Variants in MYO5A observed in about 807,000 individuals in gnomAD.
The protein encoded by MYO5A is unconventional myosin-Va.
MYO5A carries 98 observed loss-of-function variants against 249.7 expected under a neutral mutation model. That is an observed-to-expected ratio of 0.39 (90% CI 0.33 to 0.46). The LOEUF is 0.46. MYO5A is among the 20% of genes least tolerant of loss of function. MYO5A has a pLI of 0.98. For missense variants in MYO5A, 1,696 were observed against 2,308.8 expected, an observed-to-expected ratio of 0.73 and a Z score of 5.44; for synonymous variants, 778 against 810.6, an observed-to-expected ratio of 0.96 and a Z score of 0.68.
intron 1 of MYO5A, among the ~76,000 whole-genome samples, chr15:52,439,661 T>C (rs970934982): frequency 6.6e-6 from 1 of 152,062 alleles, no homozygotes; most frequent in African/African-American, 2.4e-5. Flanking sequence ...ATACCAGAGT[T>C]TGAGGCCACC....
chr15:52,351,954 T>C lies in MYO5A; in HGVS notation c.3622-473A>G, dbSNP rs533036283. ...TTTATAAAGCAGAATGGAAAGACTA[T>C]TGAAATGTTAGGCTTTTAACTTCTA... On this transcript the variant is annotated intron_variant, in intron 27 of 41. Transcript: ENST00000399233. Among the ~76,000 whole-genome samples the C allele has an allele frequency of 7.9e-5, 12 of 152,354 alleles. No individual in the cohort carries two copies. In the South Asian group the frequency reaches 2.3e-3, roughly 29 times the overall value.
chr15:52,387,049 G>A (rs984258302), intron 14 of MYO5A, among the ~76,000 whole-genome samples: 4 of 152,100 alleles, frequency 2.6e-5, no homozygotes, highest in African/African-American at 9.7e-5. Flanking sequence ...GAATTCACAT[G>A]AAAATTTTTA....
At chr15:52,494,171 A>G (rs1431481940) in intron 1 of MYO5A, among the ~76,000 whole-genome samples, 2 of 152,222 alleles carry the variant, frequency 1.3e-5, no homozygotes, top group Non-Finnish European at 2.9e-5. Context: ...GAATGGTGTC[A>G]TCTTTGATCT....
chr15:52,445,932 G>A (rs1335802102), intron 1 of MYO5A, among the ~76,000 whole-genome samples: 1 of 152,206 alleles, frequency 6.6e-6, no homozygotes, highest in Non-Finnish European at 1.5e-5. Context: ...ACTTAAAGTT[G>A]GAATATATAT....
rs773982415 is a variant in MYO5A, at chr15:52,391,928, A to T, written c.1542+2T>A. On this transcript the variant is annotated splice_donor_variant, in intron 12 of 41. Coordinates refer to ENST00000399233, the MANE Select transcript of MYO5A (RefSeq NM_001382347.1). LOFTEE classifies it high-confidence loss of function. ...CCAAGTACCCCAGGAAATCATACTT[A>T]CCTTGCATTCCTCATCCAGTAAATC... 5 of 1,612,400 alleles carry T rather than the reference A, an allele frequency of 3.1e-6. No individual in the cohort carries two copies. Among genetic ancestry groups the T allele is most frequent in the Non-Finnish European group, 4.2e-6 (5 of 1,179,252 alleles).
intron 1 of MYO5A, among the ~76,000 whole-genome samples, chr15:52,488,270 C>G (rs1313590362): frequency 2.6e-5 from 4 of 151,532 alleles, no homozygotes; most frequent in African/African-American, 9.7e-5. Flanking sequence ...CATTCTGAGC[C>G]ATTTGTAAAT....
intron 1 of MYO5A, among the ~76,000 whole-genome samples, chr15:52,516,663 C>G (rs951036458): frequency 7.2e-5 from 11 of 152,188 alleles, no homozygotes; most frequent in African/African-American, 2.7e-4. Flanking sequence ...CTATAACGCT[C>G]CTTTAGCATT....
intron 1 of MYO5A, chr15:52,505,336 T>C (rs1470333256): frequency 1.2e-5 from 9 of 777,828 alleles, no homozygotes; most frequent in Non-Finnish European, 2.4e-6. Context: ...TGCCGACTTG[T>C]GTCATGCTCT....
At position 52,430,025 on chromosome 15, in the gene MYO5A, T is replaced by C. The variant is rs151071677; in HGVS notation, c.139-1456A>G. On this transcript the variant is annotated intron_variant, in intron 2 of 41. Coordinates refer to ENST00000399233, the MANE Select transcript of MYO5A (RefSeq NM_001382347.1). ...AGTGAATAGGAATAAAAATTCAATT[T>C]AGTTGTAGGGAGGGACAAGGTTTTG... Among the ~76,000 whole-genome samples the C allele has an allele frequency of 8.5e-5, 13 of 152,328 alleles. No homozygotes were observed. The East Asian group carries it at 2.5e-3, about 29-fold the overall frequency.
At chr15:52,337,768 TAGCAAGGG>T (rs2039186372) in intron 33 of MYO5A, 34 bp downstream of exon 33, 1 of 1,419,462 alleles carries the variant, frequency 7.0e-7, no homozygotes, top group Non-Finnish European at 9.6e-7. Flanking sequence ...GGGCTATAAG[TAGCAAGGG>T]AAGACAGCAG....
At chr15:52,375,152 G>T in intron 20 of MYO5A, 152 bp downstream of exon 20, 1 of 811,550 alleles carries the variant, frequency 1.2e-6, no homozygotes, top group Non-Finnish European at 1.9e-6. Flanking sequence ...TTCTAAAAAA[G>T]AATTTTTTAA....
intron 9 of MYO5A, among the ~76,000 whole-genome samples, chr15:52,404,813 A>T (rs1433490459): frequency 6.6e-6 from 1 of 152,108 alleles, no homozygotes; most frequent in Non-Finnish European, 1.5e-5. Context: ...AAACAATGAG[A>T]AAGAAGCTCA....
intron 2 of MYO5A, among the ~76,000 whole-genome samples, chr15:52,432,080 T>C (rs1422838885): frequency 6.6e-6 from 1 of 151,894 alleles, no homozygotes; most frequent in Non-Finnish European, 1.5e-5. Flanking sequence ...TAATGAAGAA[T>C]AAAAGAAATA....
chr15:52,477,970 TTTCTGCTGCCTTTTG>T (rs1229208198), intron 1 of MYO5A, among the ~76,000 whole-genome samples: 1 of 152,188 alleles, frequency 6.6e-6, no homozygotes, highest in Admixed American at 6.5e-5. Context: ...TCTGCAGAAG[TTTCTGCTGCCTTTTG>T]TTCAGCTATG....
At chr15:52,362,231 G>A (rs1205863711) in intron 24 of MYO5A, among the ~76,000 whole-genome samples, 2 of 152,220 alleles carry the variant, frequency 1.3e-5, no homozygotes, top group Non-Finnish European at 2.9e-5. Flanking sequence ...GCTGGAGGCA[G>A]TGTATCAAGT....
intron 1 of MYO5A, among the ~76,000 whole-genome samples, chr15:52,450,166 A>G (rs1345215209): frequency 6.6e-6 from 1 of 151,978 alleles, no homozygotes; most frequent in Non-Finnish European, 1.5e-5. Flanking sequence ...AATAATAATA[A>G]TAATAGTTCA....
intron 1 of MYO5A, among the ~76,000 whole-genome samples, chr15:52,483,541 C>CAAA (rs3985805): frequency 0.14 from 21,636 of 151,962 alleles, 1,672 homozygotes; most frequent in Middle Eastern, 0.22. Flanking sequence ...ACAACAACAA[C>CAAA]AAAAAACTAT....
intron 40 of MYO5A, 82 bp from the exon 41 acceptor site, chr15:52,314,285 T>C: frequency 9.7e-7 from 1 of 1,033,630 alleles, no homozygotes; most frequent in Non-Finnish European, 1.5e-6. Flanking sequence ...ATTAAAAGGA[T>C]CTGTGCGTAC....
chr15:52,442,586 C>G (rs7176600), intron 1 of MYO5A, among the ~76,000 whole-genome samples: 29,495 of 151,908 alleles, frequency 0.19, 3,624 homozygotes, highest in East Asian at 0.56. Flanking sequence ...AGGTATTTTA[C>G]ATGTATAATT....
Sources: gnomAD v4.1 joint callset for allele counts (sites outside exome capture counted in the v4.1 genomes callset) on GRCh38, gnomAD v4.1.1 for gene constraint, MANE v1.5 for transcripts, NCBI Gene and HGNC (gene_info 2026-07-23, HGNC 2026-07-21) for gene names.